Variants in IGF2R observed in about 807,000 individuals in gnomAD.
The protein encoded by IGF2R is cation-independent mannose-6-phosphate receptor.
In IGF2R, 91 loss-of-function variants were observed where a neutral mutation model predicts 270.6. That is an observed-to-expected ratio of 0.34 (90% CI 0.28 to 0.40). IGF2R has a LOEUF of 0.40. Among genes scored for constraint, IGF2R ranks in the 10% least tolerant of loss-of-function variants. IGF2R has a pLI of 1.00. For missense variants in IGF2R, 2,805 were observed against 3,188.3 expected (o/e 0.88, Z 2.90); for synonymous variants, 1,316 against 1,258.9 (o/e 1.05, Z -0.96).
chr6:160,090,300 C>G (rs1280422348), intron 44 of IGF2R, 197 bp downstream of exon 44: 1 of 394,640 alleles, frequency 2.5e-6, no homozygotes, highest in African/African-American at 2.1e-5. Context: ...TCACTGTAGG[C>G]AAATTGTGTC....
At chr6:160,027,363 ACCTGACTTTCAGGGAG>A in intron 6 of IGF2R, 49 bp downstream of exon 6, 1 of 1,560,964 alleles carries the variant, frequency 6.4e-7, no homozygotes, top group Non-Finnish European at 8.7e-7. Context: ...TCCAGCAAGG[ACCTGACTTTCAGGGAG>A]CTGCAGGAAC....
In IGF2R at chr6:160,111,360, CAG is replaced by C. The variant is rs1165642488; in HGVS notation, c.*6277_*6278del. On this transcript the variant is annotated 3_prime_UTR_variant, in exon 48 of 48. Transcript: ENST00000356956. ...TCCTCCTCCTCCTCCTCAGCCTACTCAGGGTAAAGACAAGGATGAAGACCTTT... is the reference window on the plus strand; with the variant it reads ...TCCTCCTCCTCCTCCTCAGCCTACTCGGTAAAGACAAGGATGAAGACCTTT... 1 of 152,376 alleles carries C rather than the reference CAG, an allele frequency of 6.6e-6. No individual in the cohort carries two copies. The highest frequency in any genetic ancestry group is 1.5e-5 in the Non-Finnish European group (1 of 68,124). The allele number at this position is 152,376 out of a possible 1,614,324, so 9.4% of individuals were successfully genotyped here.
In IGF2R at chr6:159,969,372, C is replaced by A; in HGVS notation, c.126C>A (p.Ala42=). 2 of 1,283,634 alleles carry A rather than the reference C, an allele frequency of 1.6e-6. No homozygotes were observed. Among genetic ancestry groups the A allele is most frequent in the South Asian group, 2.6e-5 (1 of 38,460 alleles). The allele number at this position is 1,283,634 out of a possible 1,614,324, so 79.5% of individuals were successfully genotyped here. Reference sequence around the variant, plus strand: ...CCCCGGGGTCCACGCAGGCCCAGGCCGCCCCGTTCCCCGAGCTGTGCAGGT... The same window carrying A: ...CCCCGGGGTCCACGCAGGCCCAGGCAGCCCCGTTCCCCGAGCTGTGCAGGT... ...VAAPGSTQAQ[A]APFPELCSYT... is the part of the protein sequence containing the mutation. The change falls in exon 1 of 48, where the codon GCC becomes GCA. Residue 42 remains alanine, a synonymous_variant. Coordinates refer to ENST00000356956, the MANE Select transcript of IGF2R (RefSeq NM_000876.4).
At position 160,080,357 on chromosome 6, in the gene IGF2R, A is replaced by T. The variant is rs8191909; in HGVS notation, c.5833+82A>T. Reference sequence around the variant, plus strand: ...TCGATTCACACTGAGACCTTTGTGGATGCCCCAGTCAGTGGCAGGAATTCT... The same window carrying T: ...TCGATTCACACTGAGACCTTTGTGGTTGCCCCAGTCAGTGGCAGGAATTCT... On this transcript the variant is annotated intron_variant, in intron 39 of 47. Coordinates refer to ENST00000356956, the MANE Select transcript of IGF2R (RefSeq NM_000876.4). 251 of 1,357,750 alleles carry T rather than the reference A, an allele frequency of 1.8e-4. No homozygotes were observed. The Middle Eastern group carries it at 3.3e-3, about 18-fold the overall frequency. The allele number at this position is 1,357,750 out of a possible 1,614,324, so 84.1% of individuals were successfully genotyped here.
At chr6:160,065,814 G>GTGTGTGTATATATATATATATATA in intron 29 of IGF2R, among the ~76,000 whole-genome samples, 9 of 78,380 alleles carry the variant, frequency 1.1e-4, no homozygotes, top group Non-Finnish European at 1.4e-4. Context: ...GTGTGTGTGT[G>GTGTGTGTATATATATATATATATA]TATATATATA....
intron 36 of IGF2R, among the ~76,000 whole-genome samples, chr6:160,076,946 T>TTG (rs1778867021): frequency 6.6e-6 from 1 of 152,190 alleles, no homozygotes; most frequent in Non-Finnish European, 1.5e-5. Flanking sequence ...GTTGGGTGTC[T>TTG]TGTAATTCTG....
At chr6:160,087,690 A>G (rs1779124216) in intron 41 of IGF2R, among the ~76,000 whole-genome samples, 2 of 152,096 alleles carry the variant, frequency 1.3e-5, no homozygotes, top group Non-Finnish European at 2.9e-5. Context: ...TGTTTTTGAG[A>G]TGGAGTTTTG....
At chr6:160,044,244 T>C (rs1389404573) in intron 12 of IGF2R, among the ~76,000 whole-genome samples, 1 of 152,226 alleles carries the variant, frequency 6.6e-6, no homozygotes, top group Non-Finnish European at 1.5e-5. Flanking sequence ...AAGGGCATTG[T>C]GCATCCTTCA....
At chr6:160,041,242 G>A (rs1189708678) in intron 11 of IGF2R, among the ~76,000 whole-genome samples, 1 of 147,198 alleles carries the variant, frequency 6.8e-6, no homozygotes, top group Non-Finnish European at 1.5e-5. Flanking sequence ...CTCAAGCAGG[G>A]ATAATCTGAT....
intron 47 of IGF2R, 80 bp from the exon 48 acceptor site, chr6:160,104,594 C>T: frequency 7.0e-7 from 1 of 1,436,582 alleles, no homozygotes; most frequent in East Asian, 2.3e-5. Context: ...CAGCAGAGAG[C>T]ATCCCTGATG....
At position 160,076,391 on chromosome 6, in the gene IGF2R, C is replaced by T. The variant is rs559207748; in HGVS notation, c.5316+395C>T. 5.9e-4 allele frequency among the ~76,000 whole-genome samples: 90 copies of T among 152,234 alleles called. No homozygotes were observed. The Middle Eastern group carries it at 0.01, about 17-fold the overall frequency. On this transcript the variant is annotated intron_variant, in intron 36 of 47. Transcript: ENST00000356956. ...ACATAGCCCAGAAGTTAACAAGTAA[C>T]AAAAGACCCCTGGAATCAGAATAGC... is the stretch of plus-strand genomic sequence containing the variant.
At chr6:160,079,930 G>C (rs2115282132) in intron 38 of IGF2R, 143 bp downstream of exon 38, 1 of 976,268 alleles carries the variant, frequency 1.0e-6, no homozygotes. Context: ...CTGTTCCTCT[G>C]TACACCCCCG....
chr6:160,002,610 A>G (rs1488545286), intron 2 of IGF2R, among the ~76,000 whole-genome samples: 3 of 152,194 alleles, frequency 2.0e-5, no homozygotes. Flanking sequence ...TTGCAGTTCA[A>G]CTGCATTTGA....
At chr6:160,097,817 C>T (rs78625689) in intron 45 of IGF2R, among the ~76,000 whole-genome samples, 58 of 152,258 alleles carry the variant, frequency 3.8e-4, no homozygotes, top group South Asian at 2.7e-3. Flanking sequence ...TCAGCACTCC[C>T]CCTGCCCACC....
intron 21 of IGF2R, among the ~76,000 whole-genome samples, chr6:160,058,655 C>T (rs1456418421): frequency 6.6e-6 from 1 of 152,152 alleles, no homozygotes; most frequent in East Asian, 1.9e-4. Flanking sequence ...GTAGATCTTA[C>T]ACATTTATAG....
intron 1 of IGF2R, among the ~76,000 whole-genome samples, chr6:159,973,099 G>C (rs1404219818): frequency 6.6e-6 from 1 of 152,176 alleles, no homozygotes; most frequent in East Asian, 1.9e-4. Context: ...GGGGCAGGAA[G>C]GAGTGTTGAA....
intron 1 of IGF2R, among the ~76,000 whole-genome samples, chr6:159,984,924 T>C (rs755763506): frequency 6.6e-6 from 1 of 152,250 alleles, no homozygotes; most frequent in African/African-American, 2.4e-5. Flanking sequence ...GTTAATCTTT[T>C]ACAACTAATT....
intron 10 of IGF2R, among the ~76,000 whole-genome samples, chr6:160,038,667 T>G (rs937932259): frequency 6.6e-6 from 1 of 152,174 alleles, no homozygotes; most frequent in Non-Finnish European, 1.5e-5. Flanking sequence ...CTGTTGCTGT[T>G]AGTTGACCGG....
intron 41 of IGF2R, among the ~76,000 whole-genome samples, chr6:160,086,187 G>A (rs1400817374): frequency 6.6e-6 from 1 of 152,214 alleles, no homozygotes; most frequent in Non-Finnish European, 1.5e-5. Flanking sequence ...GCGGTGACCT[G>A]CAGGCCACCT....
Sources: gnomAD v4.1 joint callset for allele counts (sites outside exome capture counted in the v4.1 genomes callset) on GRCh38, gnomAD v4.1.1 for gene constraint, MANE v1.5 for transcripts, NCBI Gene and HGNC (gene_info 2026-07-23, HGNC 2026-07-21) for gene names.